The following CNTN6 variants were observed in gnomAD, a reference collection of about 807,000 sequenced individuals.
CNTN6 encodes the protein contactin-6.
Under a neutral mutation model 122.8 loss-of-function variants are expected in CNTN6, and 137 were observed. The ratio of observed to expected loss-of-function variants is 1.12; its 90% CI spans 0.97 to 1.29. The LOEUF is 1.29. Ranked by LOEUF, CNTN6 falls within the 50% of genes most tolerant of loss-of-function variation. The pLI is 0.00. For synonymous variants in CNTN6, 570 were observed against 426.0 expected (o/e 1.34, Z -4.16); for missense variants, 1,634 against 1,223.4 (o/e 1.34, Z -5.01).
At chr3:1,275,307 C>A (rs1295127156) in intron 4 of CNTN6, among the ~76,000 whole-genome samples, 1 of 152,198 alleles carries the variant, frequency 6.6e-6, no homozygotes, top group Non-Finnish European at 1.5e-5. Flanking sequence ...ATCTCCATGT[C>A]CTTATCTGCT....
At chr3:1,135,169 T>A (rs1374264788) in intron 1 of CNTN6, among the ~76,000 whole-genome samples, 2 of 151,824 alleles carry the variant, frequency 1.3e-5, no homozygotes, top group Non-Finnish European at 2.9e-5. Flanking sequence ...CATTCCCTGT[T>A]CCCAAATGAA....
At position 1,138,130 on chromosome 3, in the gene CNTN6, A is replaced by G. The variant is rs372563305; in HGVS notation, c.-82-9797A>G. Among the ~76,000 whole-genome samples the G allele has an allele frequency of 6.6e-5, 10 of 152,178 alleles. No homozygotes were observed. In the East Asian group the frequency reaches 7.7e-4, roughly 12 times the overall value. ...CACTGCTCCCCAGGAGAGTATTTCA[A>G]TTTGTCAAAGTTCCTCTTAAACCGT... On this transcript the variant is annotated intron_variant, in intron 1 of 22. Transcript: ENST00000446702.
rs564151973 is a variant in CNTN6 at position 1,294,299 on chromosome 3, C to T, written c.455-1302C>T. ...AAGAAAGGGCTTATAGTCATGAAAA[C>T]AATAGGTGAACCTTAAAATTATGTT... is the stretch of plus-strand genomic sequence containing the variant. On this transcript the variant is annotated intron_variant, in intron 5 of 22. Transcript: ENST00000446702. Among the ~76,000 whole-genome samples the T allele has an allele frequency of 1.4e-3, 213 of 152,150 alleles. 2 individuals are homozygous for T. The highest frequency in any genetic ancestry group is 5.0e-3 in the African/African-American group (208 of 41,520).
At chr3:1,205,119 C>T (rs972183735) in intron 2 of CNTN6, among the ~76,000 whole-genome samples, 2 of 152,064 alleles carry the variant, frequency 1.3e-5, no homozygotes, top group Admixed American at 6.6e-5. Context: ...CATGCTGTTC[C>T]TGATTTTAAA....
intron 5 of CNTN6, among the ~76,000 whole-genome samples, chr3:1,286,273 G>A (rs539760042): frequency 5.9e-5 from 9 of 152,044 alleles, no homozygotes; most frequent in Admixed American, 2.6e-4. Flanking sequence ...AGGTGTACAC[G>A]TGCCATGGTG....
chr3:1,389,772 A>AAAAC (rs1436293864), intron 20 of CNTN6, among the ~76,000 whole-genome samples: 2 of 149,680 alleles, frequency 1.3e-5, no homozygotes, highest in Non-Finnish European at 3.0e-5. Flanking sequence ...AGTCTCTGAT[A>AAAAC]AAACAGACTT....
intron 1 of CNTN6, among the ~76,000 whole-genome samples, chr3:1,135,969 G>C (rs899663779): frequency 7.2e-5 from 11 of 152,170 alleles, no homozygotes; most frequent in African/African-American, 2.7e-4. Context: ...TCCAGCCTGG[G>C]TGACAGAACC....
intron 4 of CNTN6, among the ~76,000 whole-genome samples, chr3:1,252,952 A>G (rs1188678037): frequency 6.6e-6 from 1 of 152,212 alleles, no homozygotes; most frequent in East Asian, 1.9e-4. Context: ...GAAAGAAGGT[A>G]TAGCATGAAC....
At chr3:1,304,901 G>C (rs1490461717) in intron 7 of CNTN6, among the ~76,000 whole-genome samples, 1 of 144,320 alleles carries the variant, frequency 6.9e-6, no homozygotes. Flanking sequence ...TGAGGCAGGA[G>C]AATTGCTTGA....
intron 1 of CNTN6, among the ~76,000 whole-genome samples, chr3:1,144,949 C>T (rs1457073338): frequency 1.3e-5 from 2 of 152,166 alleles, no homozygotes; most frequent in African/African-American, 4.8e-5. Flanking sequence ...TGCAGGCCTC[C>T]GGAGGATTGG....
chr3:1,350,795 C>A (rs1705505605), intron 11 of CNTN6, among the ~76,000 whole-genome samples: 1 of 151,762 alleles, frequency 6.6e-6, no homozygotes, highest in African/African-American at 2.4e-5. Flanking sequence ...TTCTGTGTTG[C>A]TCAATATTCC....
At chr3:1,263,716 G>A (rs1179580399) in intron 4 of CNTN6, among the ~76,000 whole-genome samples, 3 of 151,780 alleles carry the variant, frequency 2.0e-5, no homozygotes, top group Admixed American at 1.3e-4. Context: ...CCTGCTTTTT[G>A]CAAACACTGA....
intron 2 of CNTN6, among the ~76,000 whole-genome samples, chr3:1,213,460 C>T (rs1281224996): frequency 6.9e-6 from 1 of 143,902 alleles, no homozygotes; most frequent in Non-Finnish European, 1.5e-5. Context: ...CATCTCTTTT[C>T]TTCATTTTTT....
intron 12 of CNTN6, among the ~76,000 whole-genome samples, chr3:1,359,265 A>C (rs1707098397): frequency 6.6e-6 from 1 of 152,154 alleles, no homozygotes; most frequent in Non-Finnish European, 1.5e-5. Context: ...CAGAATCTAC[A>C]GAGCATGTTC....
rs151195043 is a variant in CNTN6, at chr3:1,098,573, G to A, written c.-83+5453G>A. Among the ~76,000 whole-genome samples the A allele has an allele frequency of 6.4e-3, 974 of 151,246 alleles. 14 individuals are homozygous for A. The highest frequency in any genetic ancestry group is 0.022 in the African/African-American group (899 of 41,424). ...TTTCTATAGTTTATTTTATTGTAAT[G>A]TTTTCCTTCTGGCCACCATTATACA... On this transcript the variant is annotated intron_variant, in intron 1 of 22. Transcript: ENST00000446702.
chr3:1,108,482 T>C (rs1417253461), intron 1 of CNTN6, among the ~76,000 whole-genome samples: 1 of 152,002 alleles, frequency 6.6e-6, no homozygotes, highest in Non-Finnish European at 1.5e-5. Flanking sequence ...GTGGAATTTT[T>C]CAGTTTGGAG....
chr3:1,310,005 G>T (rs1160477726), intron 7 of CNTN6, among the ~76,000 whole-genome samples: 7 of 152,092 alleles, frequency 4.6e-5, no homozygotes, highest in Non-Finnish European at 1.0e-4. Context: ...CTTGCTATAA[G>T]CACTTATTAG....
chr3:1,326,655 T>C (rs1701583978), intron 9 of CNTN6, among the ~76,000 whole-genome samples: 1 of 151,888 alleles, frequency 6.6e-6, no homozygotes, highest in South Asian at 2.1e-4. Context: ...TCCAGATAAT[T>C]GTGTCAATTC....
At chr3:1,392,776 C>T (rs1278290145) in intron 20 of CNTN6, among the ~76,000 whole-genome samples, 1 of 138,682 alleles carries the variant, frequency 7.2e-6, no homozygotes, top group African/African-American at 2.7e-5. Flanking sequence ...CAAAAGAAGA[C>T]ATTTATGCAG....
Sources: gnomAD v4.1 joint callset for allele counts (sites outside exome capture counted in the v4.1 genomes callset) on GRCh38, gnomAD v4.1.1 for gene constraint, MANE v1.5 for transcripts, NCBI Gene and HGNC (gene_info 2026-07-23, HGNC 2026-07-21) for gene names.